The following CCDC112 variants were observed in gnomAD, a reference collection of about 807,000 sequenced individuals.
CCDC112 encodes the protein coiled-coil domain containing 112.
A neutral mutation model predicts 66.3 loss-of-function variants in CCDC112; 40 were observed. The ratio of observed to expected loss-of-function variants is 0.60; its 90% CI spans 0.47 to 0.79. The LOEUF is 0.79. CCDC112 is among the 30% of genes least tolerant of loss of function. CCDC112 has a pLI of 0.00. For missense variants in CCDC112, 659 were observed against 603.8 expected (o/e 1.09, Z -0.96); for synonymous variants, 214 against 197.2 (o/e 1.09, Z -0.71).
intron 1 of CCDC112, among the ~76,000 whole-genome samples, chr5:115,295,003 A>G (rs1169901933): frequency 6.6e-6 from 1 of 152,150 alleles, no homozygotes; most frequent in East Asian, 1.9e-4. Flanking sequence ...TCTCAATCTC[A>G]GCACTACTAA....
At chr5:115,286,541 T>A (rs1253574670) in intron 1 of CCDC112, among the ~76,000 whole-genome samples, 1 of 152,194 alleles carries the variant, frequency 6.6e-6, no homozygotes, top group Admixed American at 6.5e-5. Flanking sequence ...TGTTTTCAAT[T>A]CTCTTCATTA....
At chr5:115,276,126 A>C in intron 4 of CCDC112, 57 bp from the exon 5 acceptor site, 2 of 1,183,248 alleles carry the variant, frequency 1.7e-6, no homozygotes, top group Non-Finnish European at 2.5e-6. Context: ...GCTAAAAGTT[A>C]AATATTAGGA....
At chr5:115,287,585 C>T (rs1749728173) in intron 1 of CCDC112, among the ~76,000 whole-genome samples, 1 of 151,734 alleles carries the variant, frequency 6.6e-6, no homozygotes, top group South Asian at 2.1e-4. Context: ...AGATGCACGG[C>T]AACCAATCAG....
chr5:115,267,844 A>G lies in CCDC112; in HGVS notation c.*32T>C, dbSNP rs1748800232. The stretch of plus-strand genomic sequence containing the variant: ...CCCTGGTATAACTTAGTATGTTAAC[A>G]TTCTTATCAACTGAGTAGCAATTTG... On this transcript the variant is annotated 3_prime_UTR_variant, in exon 10 of 10. Transcript: ENST00000379611. 2 of 1,568,108 alleles carry G rather than the reference A, an allele frequency of 1.3e-6. No homozygotes were observed. Among genetic ancestry groups the G allele is most frequent in the Non-Finnish European group, 1.8e-6 (2 of 1,138,400 alleles).
Position 115,271,223 on chromosome 5 carries a change from A to G in CCDC112, c.1322T>C (p.Phe441Ser), listed in dbSNP as rs1748980278. The G allele has an allele frequency of 6.3e-7, 1 of 1,579,722 alleles. No homozygotes were observed. Among genetic ancestry groups the G allele is most frequent in the Non-Finnish European group, 8.5e-7 (1 of 1,170,796 alleles). ...AATAGATTTACTCACTCTTTCTTGAAATCTGGAAATTTCATCAGCAGCATT... is the reference window on the plus strand; with the variant it reads ...AATAGATTTACTCACTCTTTCTTGAGATCTGGAAATTTCATCAGCAGCATT... Reference protein sequence around the residue: ...RKNAADEISRFQERDLHKLEL... With the variant: ...RKNAADEISRSQERDLHKLEL... The change falls in exon 7 of 10, where the codon TTT (phenylalanine) becomes TCT (serine). Residue 441 changes from phenylalanine (F) to serine (S), a missense_variant. Physicochemically the swap from Phe to Ser is radical, Grantham distance 155. Transcript: ENST00000379611.
rs1203119699 is a variant in CCDC112 at position 115,271,524 on chromosome 5, CTT to C, written c.1019_1020del (p.Gln340ArgfsTer3). On this transcript the variant is annotated frameshift_variant, in exon 7 of 10. Transcript: ENST00000379611. LOFTEE classifies it high-confidence loss of function. ...DNTPVLFHNK[Q>X]EDNQKQKEEQ... ...TCCTCTTTTTGCTTTTGATTATCCT[CTT>C]GTTTATTATGAAAAAGCACAGGTGT... 1.2e-6 allele frequency: 2 copies of C among 1,611,422 alleles called. No homozygotes were observed. The highest frequency in any genetic ancestry group is 1.3e-5 in the African/African-American group (1 of 74,726).
At chr5:115,282,582 T>C (rs1220711172) in intron 2 of CCDC112, among the ~76,000 whole-genome samples, 3 of 151,266 alleles carry the variant, frequency 2.0e-5, no homozygotes, top group African/African-American at 7.3e-5. Context: ...ACATACACTT[T>C]AAAAAAAAAT....
At chr5:115,277,632 C>A (rs1034942307) in intron 3 of CCDC112, among the ~76,000 whole-genome samples, 1 of 152,090 alleles carries the variant, frequency 6.6e-6, no homozygotes, top group African/African-American at 2.4e-5. Flanking sequence ...CACAGGTCGC[C>A]AAGCTCAATC....
chr5:115,287,899 T>G (rs190551886), intron 1 of CCDC112, among the ~76,000 whole-genome samples: 3 of 152,212 alleles, frequency 2.0e-5, no homozygotes, highest in Non-Finnish European at 2.9e-5. Context: ...TAATTGAGAT[T>G]TTATTGGTTG....
intron 1 of CCDC112, among the ~76,000 whole-genome samples, chr5:115,287,900 T>G (rs1370429323): frequency 1.3e-5 from 2 of 152,104 alleles, no homozygotes; most frequent in Non-Finnish European, 1.5e-5. Context: ...AATTGAGATT[T>G]TATTGGTTGT....
In CCDC112 at chr5:115,267,706, G is replaced by A. The variant is rs1447813626; in HGVS notation, c.*170C>T. 7.8e-6 allele frequency: 5 copies of A among 641,292 alleles called. No homozygotes were observed. Among genetic ancestry groups the A allele is most frequent in the Non-Finnish European group, 1.4e-5 (5 of 358,152 alleles). 39.7% of individuals were successfully genotyped at this position (641,292 alleles called of 1,614,324 possible). A position where few individuals can be genotyped will look rare whatever the true frequency, so the allele number is the denominator to read the frequency against. ...ATTAAATACCTTCTTGGTAGAAGCA[G>A]GAATACTAATGACAAAGCCTCATGA... is the stretch of plus-strand genomic sequence containing the variant. On this transcript the variant is annotated 3_prime_UTR_variant, in exon 10 of 10. Transcript: ENST00000379611.
At position 115,275,538 on chromosome 5, in the gene CCDC112, T is replaced by G. The variant is rs1749170740; in HGVS notation, c.596A>C (p.Asp199Ala). The G allele has an allele frequency of 1.9e-6, 3 of 1,613,784 alleles. No homozygotes were observed. Among genetic ancestry groups the G allele is most frequent in the Non-Finnish European group, 2.5e-6 (3 of 1,179,888 alleles). ...NELSAISRKI[D>A]TWALGNSETE... ...TTCTGAATTACCCAAAGCCCATGTG[T>G]CAATTTTTCTTGATATGGCACTCAA... Residue 199 changes from aspartate to alanine, a missense_variant, in exon 6 of 10, where the codon GAC becomes GCC. Transcript: ENST00000379611.
intron 1 of CCDC112, among the ~76,000 whole-genome samples, chr5:115,285,632 G>A (rs761063109): frequency 6.6e-5 from 10 of 152,156 alleles, no homozygotes; most frequent in Non-Finnish European, 1.2e-4. Flanking sequence ...AGGCAGGTAT[G>A]TGCCAGATCA....
chr5:115,268,992 G>T lies in CCDC112; in HGVS notation c.1437C>A (p.Asn479Lys). Residue 479 changes from asparagine to lysine, a missense_variant, in exon 9 of 10, where the codon AAC (asparagine) becomes AAA (lysine). Asn to Lys is a moderately conservative substitution (Grantham distance 94, BLOSUM62 0). Coordinates refer to ENST00000379611, the MANE Select transcript of CCDC112 (RefSeq NM_001040440.3). ...GCCTAGAGGGATCTCTACTAACATTGTTTTCAACCTGTAATCAGAAGTAAA... is the reference window on the plus strand; with the variant it reads ...GCCTAGAGGGATCTCTACTAACATTTTTTTCAACCTGTAATCAGAAGTAAA... The part of the protein sequence containing the change: ...RLAKLKEKVE[N>K]NVSRDPSRLY... 6.3e-7 allele frequency: 1 copy of T among 1,576,222 alleles called. No homozygotes were observed. Among genetic ancestry groups the T allele is most frequent in the Non-Finnish European group, 8.6e-7 (1 of 1,158,762 alleles).
chr5:115,269,495 C>T (rs1341991913), intron 8 of CCDC112: 3 of 496,130 alleles, frequency 6.0e-6, no homozygotes, highest in East Asian at 3.7e-5. Context: ...TGAAAGAAAA[C>T]GGTGCTCATA....
In CCDC112 at chr5:115,267,835, T is replaced by C. The variant is rs377141758; in HGVS notation, c.*41A>G. The C allele has an allele frequency of 2.7e-5, 40 of 1,465,810 alleles. No homozygotes were observed. The highest frequency in any genetic ancestry group is 2.5e-4 in the South Asian group (22 of 87,812). 90.8% of individuals were successfully genotyped at this position (1,465,810 alleles called of 1,614,324 possible). A position where few individuals can be genotyped will look rare whatever the true frequency, so the allele number is the denominator to read the frequency against. The stretch of plus-strand genomic sequence containing the variant: ...TCACTCTCTCCCTGGTATAACTTAG[T>C]ATGTTAACATTCTTATCAACTGAGT... On this transcript the variant is annotated 3_prime_UTR_variant, in exon 10 of 10. Transcript: ENST00000379611.
At chr5:115,279,196 G>A (rs116344954) in intron 3 of CCDC112, among the ~76,000 whole-genome samples, 5,201 of 152,236 alleles carry the variant, frequency 0.034, 144 homozygotes, top group Non-Finnish European at 0.05. Flanking sequence ...TCAGGTTTAT[G>A]CAATTATCTG....
In CCDC112 at chr5:115,271,515, G is replaced by A; in HGVS notation, c.1030C>T (p.Gln344Ter). Residue 344 changes from glutamine (Q) to a stop codon, truncating the protein, a stop_gained, in exon 7 of 10, where the codon CAA becomes TAA. Transcript: ENST00000379611. LOFTEE classifies it high-confidence loss of function. Reference protein sequence around the residue: ...VLFHNKQEDNQKQKEEQRKKQ... With the variant: ...VLFHNKQEDN ...TTTCTTTGTTCCTCTTTTTGCTTTT[G>A]ATTATCCTCTTGTTTATTATGAAAA... The A allele has an allele frequency of 6.2e-7, 1 of 1,612,002 alleles. No individual in the cohort carries two copies.
chr5:115,274,726 T>TA, intron 6 of CCDC112, among the ~76,000 whole-genome samples: 1 of 152,212 alleles, frequency 6.6e-6, no homozygotes, highest in East Asian at 1.9e-4. Context: ...ATTAATTGGG[T>TA]AAAATTACTT....
Sources: gnomAD v4.1 joint callset for allele counts (sites outside exome capture counted in the v4.1 genomes callset) on GRCh38, gnomAD v4.1.1 for gene constraint, MANE v1.5 for transcripts, NCBI Gene and HGNC (gene_info 2026-07-23, HGNC 2026-07-21) for gene names.